KMO: variants seen among roughly 807,000 people sequenced by gnomAD.
The protein encoded by KMO is kynurenine 3-monooxygenase, also known as kynurenine 3-hydroxylase.
In KMO, 24 loss-of-function variants were observed where a neutral mutation model predicts 57.8. That is an observed-to-expected ratio of 0.42 (90% confidence interval 0.30 to 0.58). The LOEUF is 0.58. Ranked by LOEUF, KMO falls within the 20% of genes least tolerant of loss-of-function variation. The pLI is 0.22. For missense variants in KMO, 483 were observed against 588.2 expected (o/e 0.82, Z 1.85); for synonymous variants, 210 against 193.6 (o/e 1.08, Z -0.70).
chr1:241,533,214 T>C lies in KMO; in HGVS notation c.54+716T>C, dbSNP rs75937957. ...TCTGCTCCGATTCAACTTTGCTTTT[T>C]CCCATCTCAGCAGAATTTCTGTTTC... is the stretch of plus-strand genomic sequence containing the variant. On this transcript the variant is annotated intron_variant, in intron 1 of 14. Coordinates refer to ENST00000366559, the MANE Select transcript of KMO (RefSeq NM_003679.5). Among the ~76,000 whole-genome samples, 1,517 of 152,336 alleles carry C rather than the reference T, an allele frequency of 1.0e-2. 21 individuals carry two copies. The highest frequency in any genetic ancestry group is 0.035 in the African/African-American group (1,440 of 41,568).
chr1:241,542,899 G>T (rs1008928542), intron 1 of KMO, among the ~76,000 whole-genome samples: 2 of 152,150 alleles, frequency 1.3e-5, no homozygotes, highest in Non-Finnish European at 2.9e-5. Context: ...GAAAGTGAGA[G>T]GGGAAAGAAA....
intron 3 of KMO, 176 bp downstream of exon 3, chr1:241,549,950 T>A: frequency 1.8e-6 from 1 of 547,016 alleles, no homozygotes; most frequent in Non-Finnish European, 3.2e-6. Flanking sequence ...CATTGGACAC[T>A]CGAGGCACCC....
chr1:241,557,132 A>G (rs3007739), intron 5 of KMO, among the ~76,000 whole-genome samples: 127,228 of 151,952 alleles, frequency 0.84, 54,297 homozygotes, highest in Non-Finnish European at 0.93. Context: ...AAAGGTGTAA[A>G]TAGAACCCTG....
intron 12 of KMO, 99 bp downstream of exon 12, chr1:241,588,929 G>A: frequency 1.3e-6 from 1 of 795,170 alleles, no homozygotes; most frequent in East Asian, 2.6e-5. Context: ...TCTCATGCAT[G>A]CTATATAAGA....
At chr1:241,547,654 C>T (rs538971878) in intron 1 of KMO, among the ~76,000 whole-genome samples, 57 of 151,964 alleles carry the variant, frequency 3.8e-4, no homozygotes, top group African/African-American at 1.2e-3. Context: ...CATTCCTCTC[C>T]AACTTACCAG....
At chr1:241,572,379 TA>T in intron 10 of KMO, among the ~76,000 whole-genome samples, 1 of 152,216 alleles carries the variant, frequency 6.6e-6, no homozygotes, top group South Asian at 2.1e-4. Flanking sequence ...TAGTTGCTCA[TA>T]ATAGTCTCTA....
In KMO at chr1:241,590,203, G is replaced by T. The variant is rs1246648460; in HGVS notation, c.1201-1G>T. 6.2e-7 allele frequency: 1 copy of T among 1,612,872 alleles called. No homozygotes were observed. The highest frequency in any genetic ancestry group is 8.5e-7 in the Non-Finnish European group (1 of 1,179,448). ...AGAATACTTTTTAAACTTCCCTGCAGGTCACTTTTTCCAGAATAAGATACC... is the reference window on the plus strand; with the variant it reads ...AGAATACTTTTTAAACTTCCCTGCATGTCACTTTTTCCAGAATAAGATACC... On this transcript the variant is annotated splice_acceptor_variant, in intron 13 of 14. Transcript: ENST00000366559. LOFTEE classifies it high-confidence loss of function.
In KMO at chr1:241,546,626, C is replaced by T. The variant is rs147942243; in HGVS notation, c.55-2203C>T. 2.4e-3 allele frequency among the ~76,000 whole-genome samples: 359 copies of T among 152,202 alleles called. 2 individuals are homozygous for T. Among genetic ancestry groups the T allele is most frequent in the African/African-American group, 3.6e-3 (149 of 41,530 alleles). On this transcript the variant is annotated intron_variant, in intron 1 of 14. Transcript: ENST00000366559. ...CTGGGAATGGAGTATCAAGGAGAGA[C>T]GGTGACTCCTAGCTTTCTAGTTTGA...
chr1:241,585,223 C>A, intron 10 of KMO, among the ~76,000 whole-genome samples: 1 of 108,004 alleles, frequency 9.3e-6, no homozygotes, highest in East Asian at 2.6e-4. Context: ...ACCGAGACTG[C>A]ATTTCAAAAT....
At position 241,594,406 on chromosome 1, in the gene KMO, C is replaced by A; in HGVS notation, c.*2253C>A. The A allele has an allele frequency of 6.2e-7, 1 of 1,603,504 alleles. No homozygotes were observed. The highest frequency in any genetic ancestry group is 1.7e-5 in the Admixed American group (1 of 59,418). On this transcript the variant is annotated 3_prime_UTR_variant, in exon 15 of 15. Coordinates refer to ENST00000366559, the MANE Select transcript of KMO (RefSeq NM_003679.5). ...AGTGGCATCCAATTTAAGGCCCCAT[C>A]TTTCGTTGCCATTCTTCATTCCTAC...
At chr1:241,558,878 C>T (rs921840064) in intron 5 of KMO, among the ~76,000 whole-genome samples, 6 of 151,726 alleles carry the variant, frequency 4.0e-5, no homozygotes, top group East Asian at 3.9e-4. Flanking sequence ...TTTGGGAGGC[C>T]GAAGGGGGTG....
At chr1:241,557,068 A>G (rs1023776427) in intron 5 of KMO, among the ~76,000 whole-genome samples, 2 of 151,810 alleles carry the variant, frequency 1.3e-5, no homozygotes, top group Non-Finnish European at 2.9e-5. Flanking sequence ...TAGATTCATG[A>G]TATTTGTAAG....
At chr1:241,548,925 T>C (rs1432245382) in intron 2 of KMO, 27 bp downstream of exon 2, 2 of 1,510,658 alleles carry the variant, frequency 1.3e-6, no homozygotes, top group Non-Finnish European at 1.8e-6. Context: ...AAAAGCAGGA[T>C]GAACGCTGGG....
chr1:241,570,513 G>T (rs1662233679), intron 10 of KMO, among the ~76,000 whole-genome samples: 1 of 152,016 alleles, frequency 6.6e-6, no homozygotes, highest in Admixed American at 6.6e-5. Flanking sequence ...AGTTTTCCCA[G>T]CACCATTTAT....
chr1:241,584,114 T>G (rs646868), intron 10 of KMO, among the ~76,000 whole-genome samples: 22,513 of 151,946 alleles, frequency 0.15, 2,431 homozygotes, highest in African/African-American at 0.27. Context: ...TTTCTCCTAA[T>G]GCTATCCCTC....
At chr1:241,572,765 C>A (rs1055863172) in intron 10 of KMO, among the ~76,000 whole-genome samples, 1 of 151,936 alleles carries the variant, frequency 6.6e-6, no homozygotes, top group African/African-American at 2.4e-5. Context: ...ACACTGTACC[C>A]AATATAGTTT....
chr1:241,559,046 G>A (rs1394799225), intron 5 of KMO, among the ~76,000 whole-genome samples: 1 of 151,430 alleles, frequency 6.6e-6, no homozygotes, highest in Admixed American at 6.6e-5. Flanking sequence ...GCTGCAGTGA[G>A]CTGAGATCAT....
intron 1 of KMO, among the ~76,000 whole-genome samples, chr1:241,534,326 T>C (rs1660680843): frequency 6.6e-6 from 1 of 152,132 alleles, no homozygotes; most frequent in Non-Finnish European, 1.5e-5. Context: ...AGATAACAAA[T>C]ATGTGATTGT....
At chr1:241,550,573 G>A (rs1661357827) in intron 3 of KMO, among the ~76,000 whole-genome samples, 1 of 152,134 alleles carries the variant, frequency 6.6e-6, no homozygotes, top group South Asian at 2.1e-4. Flanking sequence ...CTCCCAGATA[G>A]CAGCAGTCAT....
Sources: allele counts gnomAD v4.1 joint callset (sites outside exome capture counted in the v4.1 genomes callset), GRCh38; gene constraint gnomAD v4.1.1; transcripts MANE v1.5; gene names NCBI Gene and HGNC (gene_info 2026-07-23, HGNC 2026-07-21).